TEX11: variants seen among roughly 807,000 people sequenced by gnomAD.
TEX11 encodes the protein testis-expressed protein 11.
TEX11 carries 7 observed loss-of-function variants against 84.4 expected under a neutral mutation model. That is an observed-to-expected ratio of 0.08 (90% CI 0.05 to 0.16). TEX11 has a LOEUF of 0.16. TEX11 is among the 10% of genes least tolerant of loss of function. The pLI is 1.00. For missense variants in TEX11, 551 were observed against 660.5 expected (o/e 0.83, Z 1.82); for synonymous variants, 264 against 222.8 (o/e 1.18, Z -1.64).
At chrX:70,715,114 A>G (rs1487198194) in intron 13 of TEX11, among the ~76,000 whole-genome samples, 1 of 111,032 alleles carries the variant, frequency 9.0e-6, no homozygotes, top group Non-Finnish European at 1.9e-5. Context: ...AATGTTGAAT[A>G]TTGGCCCCCA....
chrX:70,648,339 C>T (rs1359774286), intron 17 of TEX11, among the ~76,000 whole-genome samples: 2 of 109,762 alleles, frequency 1.8e-5, no homozygotes, highest in Non-Finnish European at 3.8e-5. Context: ...TGCAGCACAC[C>T]AACATGGCAC....
chrX:70,877,900 A>G (rs566311817), intron 3 of TEX11, among the ~76,000 whole-genome samples: 1 of 111,606 alleles, frequency 9.0e-6, no homozygotes, highest in East Asian at 2.8e-4. Context: ...TTTAGAGGGC[A>G]AGGGGGAGTT....
intron 9 of TEX11, among the ~76,000 whole-genome samples, chrX:70,775,799 C>CAAA (rs55995616): frequency 2.3e-5 from 1 of 44,080 alleles, no homozygotes; most frequent in African/African-American, 9.3e-5. Context: ...GACTCCGTCT[C>CAAA]AAAAAAAAAA....
intron 9 of TEX11, among the ~76,000 whole-genome samples, chrX:70,750,659 A>T (rs1456696692): frequency 2.0e-5 from 2 of 99,622 alleles, no homozygotes; most frequent in African/African-American, 7.3e-5. Flanking sequence ...TTCTCAGTAA[A>T]CTATCGCAAG....
At chrX:70,842,985 C>A (rs979961103) in intron 7 of TEX11, among the ~76,000 whole-genome samples, 2 of 111,653 alleles carry the variant, frequency 1.8e-5, no homozygotes, top group African/African-American at 6.5e-5. Flanking sequence ...AAAGAGGATA[C>A]AAACAAATGG....
Position 70,606,941 on chromosome X carries a change from T to C in TEX11, c.1950+18A>G. 1 of 1,117,840 alleles carries C rather than the reference T, an allele frequency of 8.9e-7. No homozygotes were observed. The highest frequency in any genetic ancestry group is 1.2e-6 in the Non-Finnish European group (1 of 822,110). The allele number at this position is 1,117,840 out of a possible 1,213,427, so 92.1% of individuals were successfully genotyped here. ...TTGTTGTGGTCCATACATGAGATAC[T>C]TATTAAAAGAAACTTACCTTATAAG... On this transcript the variant is annotated intron_variant, in intron 23 of 29. Coordinates refer to ENST00000374333, the MANE Select transcript of TEX11 (RefSeq NM_031276.3).
chrX:70,670,636 T>G, intron 15 of TEX11, 122 bp from the exon 16 acceptor site: 1 of 778,544 alleles, frequency 1.3e-6, no homozygotes, highest in Non-Finnish European at 1.8e-6. Context: ...AAACACAATA[T>G]CCTTTATATA....
At chrX:70,792,329 T>A (rs1569442848) in intron 9 of TEX11, among the ~76,000 whole-genome samples, 57 of 5,444 alleles carry the variant, frequency 0.01, 1 homozygote, top group Admixed American at 0.049. Flanking sequence ...TATATATATA[T>A]ATATATATAT....
chrX:70,712,661 A>C (rs1373922928), intron 13 of TEX11, among the ~76,000 whole-genome samples: 1 of 111,323 alleles, frequency 9.0e-6, no homozygotes, highest in African/African-American at 3.3e-5. Context: ...ACTTTGCTGA[A>C]GTTGCTTATC....
At chrX:70,839,968 T>C (rs2091432144) in intron 7 of TEX11, among the ~76,000 whole-genome samples, 1 of 111,073 alleles carries the variant, frequency 9.0e-6, no homozygotes, top group South Asian at 3.8e-4. Flanking sequence ...CTCCAAGAAA[T>C]ATGGGACTAT....
chrX:70,873,344 T>C (rs2091639149), intron 3 of TEX11, 37 bp from the exon 4 acceptor site: 2 of 911,504 alleles, frequency 2.2e-6, no homozygotes, highest in South Asian at 4.1e-5. Context: ...TTAGTTAAAA[T>C]ACTGGCCACC....
intron 17 of TEX11, among the ~76,000 whole-genome samples, chrX:70,635,596 T>C (rs2089562148): frequency 1.8e-5 from 2 of 112,122 alleles, no homozygotes; most frequent in South Asian, 7.5e-4. Flanking sequence ...ACATCAGTAG[T>C]TCCAGGCACC....
chrX:70,663,528 G>C (rs2089949743), intron 16 of TEX11, among the ~76,000 whole-genome samples: 1 of 111,111 alleles, frequency 9.0e-6, no homozygotes, highest in Non-Finnish European at 1.9e-5. Flanking sequence ...ATGATTTTTA[G>C]TGCTCTCACC....
At chrX:70,576,211 C>T (rs1028264307) in intron 25 of TEX11, among the ~76,000 whole-genome samples, 1 of 111,908 alleles carries the variant, frequency 8.9e-6, no homozygotes, top group Non-Finnish European at 1.9e-5. Context: ...TTAATTAACT[C>T]TGATTTGGAG....
chrX:70,719,997 T>C (rs1300786094), intron 13 of TEX11, among the ~76,000 whole-genome samples: 1 of 111,741 alleles, frequency 8.9e-6, no homozygotes. Context: ...AAATACCATT[T>C]GACCCAGCCA....
chrX:70,701,460 G>C (rs1168764610), intron 13 of TEX11, among the ~76,000 whole-genome samples: 1 of 111,890 alleles, frequency 8.9e-6, no homozygotes, highest in Non-Finnish European at 1.9e-5. Flanking sequence ...TAAACCCTCT[G>C]TTGAGAACCA....
At chrX:70,650,675 C>T (rs1346148453) in intron 17 of TEX11, among the ~76,000 whole-genome samples, 1 of 111,364 alleles carries the variant, frequency 9.0e-6, no homozygotes, top group South Asian at 3.8e-4. Context: ...TAACAGAGTC[C>T]TTTGTACGTA....
In TEX11 at chrX:70,830,701, A is replaced by T. The variant is rs1328212786; in HGVS notation, c.606+2812T>A. Among the ~76,000 whole-genome samples the T allele has an allele frequency of 2.7e-5, 3 of 111,482 alleles. No individual in the cohort carries two copies. The East Asian group carries it at 8.3e-4, about 31-fold the overall frequency. On this transcript the variant is annotated intron_variant, in intron 8 of 29. Transcript: ENST00000374333. ...GAAGACATACAAATCAGCAACAGGT[A>T]TGTGAAAAAATGCTCAACATCACTA...
intron 4 of TEX11, among the ~76,000 whole-genome samples, chrX:70,862,935 AG>A (rs2091578631): frequency 9.3e-6 from 1 of 107,356 alleles, no homozygotes; most frequent in East Asian, 2.9e-4. Context: ...AAAAAAGAAG[AG>A]GGGAAGTTCG....
Sources: allele counts gnomAD v4.1 joint callset (sites outside exome capture counted in the v4.1 genomes callset), GRCh38; gene constraint gnomAD v4.1.1; transcripts MANE v1.5; gene names NCBI Gene and HGNC (gene_info 2026-07-23, HGNC 2026-07-21).